Variants in DACH1 observed in about 807,000 individuals in gnomAD.
DACH1 encodes dachshund homolog 1.
In DACH1, 12 loss-of-function variants were observed where a neutral mutation model predicts 54.2. The observed-to-expected ratio is 0.22, with a 90% CI of 0.14 to 0.36. The LOEUF (loss-of-function observed/expected upper bound fraction) is 0.36, where lower values mean the gene tolerates loss of function less well. Ranked by LOEUF, DACH1 falls within the 10% of genes least tolerant of loss-of-function variation. The pLI is 1.00. For synonymous variants in DACH1, 386 were observed against 366.2 expected, an observed-to-expected ratio of 1.05 and a Z score of -0.62; for missense variants, 805 against 929.8, an observed-to-expected ratio of 0.87 and a Z score of 1.75.
chr13:71,786,680 T>C (rs887039012), intron 1 of DACH1, among the ~76,000 whole-genome samples: 3 of 152,176 alleles, frequency 2.0e-5, no homozygotes, highest in African/African-American at 7.2e-5. Flanking sequence ...TTTTGTTTAC[T>C]GGCTATTATT....
chr13:71,579,000 T>A (rs771469864), intron 3 of DACH1, among the ~76,000 whole-genome samples: 1 of 152,118 alleles, frequency 6.6e-6, no homozygotes, highest in African/African-American at 2.4e-5. Context: ...TAGGAAAATA[T>A]GTTACTTTCC....
chr13:71,765,941 C>T (rs1435794503), intron 1 of DACH1, among the ~76,000 whole-genome samples: 1 of 144,986 alleles, frequency 6.9e-6, no homozygotes, highest in Admixed American at 7.1e-5. Flanking sequence ...GGCTGGAGTG[C>T]AGTGGCGCGA....
At chr13:71,573,495 G>T in intron 3 of DACH1, 1 of 712,086 alleles carries the variant, frequency 1.4e-6, no homozygotes, top group South Asian at 1.5e-5. Context: ...AGGCATGCGG[G>T]GGTGGGTTAT....
intron 1 of DACH1, among the ~76,000 whole-genome samples, chr13:71,698,457 T>A (rs1019002944): frequency 1.3e-5 from 2 of 152,078 alleles, no homozygotes; most frequent in Non-Finnish European, 2.9e-5. Flanking sequence ...TGTATTGAAA[T>A]TTAAAATATG....
intron 10 of DACH1, among the ~76,000 whole-genome samples, chr13:71,446,032 G>C (rs546052835): frequency 1.3e-5 from 2 of 152,224 alleles, no homozygotes; most frequent in South Asian, 2.1e-4. Flanking sequence ...AAAAGCCATG[G>C]GCCATGGAGA....
intron 1 of DACH1, among the ~76,000 whole-genome samples, chr13:71,758,631 C>T (rs1237204469): frequency 6.6e-6 from 1 of 152,118 alleles, no homozygotes; most frequent in East Asian, 1.9e-4. Flanking sequence ...ACCACTTAAT[C>T]AAAATACAGC....
At chr13:71,825,788 A>G (rs993143490) in intron 1 of DACH1, among the ~76,000 whole-genome samples, 8 of 152,168 alleles carry the variant, frequency 5.3e-5, no homozygotes, top group Non-Finnish European at 1.0e-4. Context: ...TTAGGTAGAC[A>G]TATATTTATT....
chr13:71,815,979 G>A (rs1309585757), intron 1 of DACH1, among the ~76,000 whole-genome samples: 1 of 151,904 alleles, frequency 6.6e-6, no homozygotes, highest in African/African-American at 2.4e-5. Flanking sequence ...CAGCTACTCG[G>A]GAGGCTGAGG....
At chr13:71,841,739 T>G (rs1218970967) in intron 1 of DACH1, among the ~76,000 whole-genome samples, 3 of 152,212 alleles carry the variant, frequency 2.0e-5, no homozygotes, top group Non-Finnish European at 4.4e-5. Context: ...CTAAGGTCAC[T>G]GAAGAGCTGC....
intron 1 of DACH1, among the ~76,000 whole-genome samples, chr13:71,865,646 T>C (rs1005926266): frequency 2.6e-5 from 4 of 151,950 alleles, no homozygotes; most frequent in African/African-American, 9.7e-5. Context: ...GCCCCGAGGC[T>C]CGGCTTTCCC....
chr13:71,701,953 C>A (rs910907399), intron 1 of DACH1, among the ~76,000 whole-genome samples: 2 of 152,158 alleles, frequency 1.3e-5, no homozygotes, highest in African/African-American at 4.8e-5. Flanking sequence ...ATGATACCAA[C>A]TCCACATGCC....
intron 1 of DACH1, among the ~76,000 whole-genome samples, chr13:71,791,995 TG>T (rs1287109733): frequency 6.6e-6 from 1 of 152,198 alleles, no homozygotes; most frequent in East Asian, 1.9e-4. Context: ...ACACTCTAAC[TG>T]TATCACTCAT....
Position 71,630,572 on chromosome 13 carries a change from G to C in DACH1, c.1110C>G (p.Asp370Glu), listed in dbSNP as rs892462996. 1.9e-5 allele frequency: 31 copies of C among 1,590,240 alleles called. No homozygotes were observed. The highest frequency in any genetic ancestry group is 2.5e-5 in the Non-Finnish European group (29 of 1,173,162). ...AAAACTTACCGACACTTGAATTCATGTCCCCGTTTTCAGAGTCTGCTCCAT... is the reference window on the plus strand; with the variant it reads ...AAAACTTACCGACACTTGAATTCATCTCCCCGTTTTCAGAGTCTGCTCCAT... ...NQHGADSENG[D>E]MNSSVGLELP... The change falls in exon 3 of 11, where the codon GAC becomes GAG. Residue 370 changes from aspartate to glutamate, a missense_variant. Asp to Glu is a conservative substitution (Grantham distance 45). This residue lies in a region of DACH1 where 472 missense variants were observed against 545.3 expected (regional missense o/e 0.87). Coordinates refer to ENST00000613252, the MANE Select transcript of DACH1 (RefSeq NM_080759.6).
At chr13:71,632,560 A>T (rs895370873) in intron 2 of DACH1, among the ~76,000 whole-genome samples, 2 of 151,844 alleles carry the variant, frequency 1.3e-5, no homozygotes, top group African/African-American at 4.8e-5. Flanking sequence ...TTTCCTCCCC[A>T]CTAATCATCA....
intron 3 of DACH1, among the ~76,000 whole-genome samples, chr13:71,618,710 G>A (rs184591719): frequency 6.6e-6 from 1 of 151,828 alleles, no homozygotes; most frequent in East Asian, 1.9e-4. Context: ...TGACTGCTCA[G>A]ATTTTATTTT....
intron 1 of DACH1, among the ~76,000 whole-genome samples, chr13:71,759,394 C>G (rs1885307042): frequency 6.6e-6 from 1 of 152,070 alleles, no homozygotes; most frequent in Non-Finnish European, 1.5e-5. Context: ...CCACGCTGCC[C>G]TCACTATTAT....
intron 10 of DACH1, among the ~76,000 whole-genome samples, chr13:71,469,242 A>G (rs562351752): frequency 1.3e-5 from 2 of 152,238 alleles, no homozygotes; most frequent in African/African-American, 4.8e-5. Context: ...TCAGTTCCCA[A>G]TCCACCTAAC....
At chr13:71,596,924 A>G (rs1048938756) in intron 3 of DACH1, among the ~76,000 whole-genome samples, 7 of 152,214 alleles carry the variant, frequency 4.6e-5, no homozygotes, top group Non-Finnish European at 8.8e-5. Context: ...AGAAGTGTGC[A>G]ACAAATAGCC....
chr13:71,587,057 C>T (rs1030895378), intron 3 of DACH1, among the ~76,000 whole-genome samples: 2 of 151,922 alleles, frequency 1.3e-5, no homozygotes, highest in Non-Finnish European at 2.9e-5. Flanking sequence ...TCAAAAAAGC[C>T]CCAATAGCAA....
Sources: gnomAD v4.1 joint callset for allele counts (sites outside exome capture counted in the v4.1 genomes callset) on GRCh38, gnomAD v4.1.1 for gene constraint, gnomAD v4.1.1 regional missense constraint, MANE v1.5 for transcripts, NCBI Gene and HGNC (gene_info 2026-07-23, HGNC 2026-07-21) for gene names.